Variants in PCNX2 observed in about 807,000 individuals in gnomAD.
PCNX2 encodes the protein pecanex-like protein 2.
In PCNX2, 168 loss-of-function variants were observed where a neutral mutation model predicts 223.8. The observed-to-expected ratio is 0.75, with a 90% CI of 0.66 to 0.85. The LOEUF is 0.85. Ranked by LOEUF, PCNX2 falls within the 40% of genes least tolerant of loss-of-function variation. The pLI, the probability that PCNX2 is intolerant of heterozygous loss-of-function variation, is 0.00. For missense variants in PCNX2, 2,507 were observed against 2,675.5 expected, an observed-to-expected ratio of 0.94 and a Z score of 1.39; for synonymous variants, 1,006 against 1,052.6, an observed-to-expected ratio of 0.96 and a Z score of 0.86.
chr1:233,287,901 C>T (rs900492419), intron 1 of PCNX2, among the ~76,000 whole-genome samples: 3 of 152,156 alleles, frequency 2.0e-5, no homozygotes, highest in African/African-American at 7.2e-5. Context: ...TGATTTCTTT[C>T]TTGCAAAGCT....
intron 12 of PCNX2, among the ~76,000 whole-genome samples, chr1:233,216,830 A>T (rs577111869): frequency 3.2e-4 from 48 of 152,294 alleles, no homozygotes; most frequent in Middle Eastern, 6.8e-3. Context: ...ACATGAATGG[A>T]TAAAGAAGAT....
intron 17 of PCNX2, among the ~76,000 whole-genome samples, chr1:233,169,644 C>CAAAAAAAAAA (rs200439765): frequency 5.8e-5 from 4 of 68,904 alleles, no homozygotes; most frequent in South Asian, 4.6e-4. Context: ...AACTCCGTCT[C>CAAAAAAAAAA]AAAAAAAAAA....
intron 10 of PCNX2, among the ~76,000 whole-genome samples, chr1:233,224,613 G>A (rs571067481): frequency 4.6e-5 from 7 of 151,998 alleles, no homozygotes; most frequent in Non-Finnish European, 1.0e-4. Flanking sequence ...CCCTGTTTGG[G>A]GATTATGCTC....
At chr1:233,326,945 T>C in the PCNX2 span, among the ~76,000 whole-genome samples, 1 of 152,138 alleles carries the variant, frequency 6.6e-6, no homozygotes, top group Non-Finnish European at 1.5e-5. Flanking sequence ...TTTACCATCA[T>C]GGAGCTTCTG....
At position 233,204,961 on chromosome 1, in the gene PCNX2, T is replaced by C. The variant is rs184001418; in HGVS notation, c.2863+3557A>G. ...ATTTAAAAATAAAATAAAATAAGAA[T>C]ATGCATAGCTAGTAGGATATTCTAG... On this transcript the variant is annotated intron_variant, in intron 13 of 33. Transcript: ENST00000258229. Among the ~76,000 whole-genome samples, 50 of 152,350 alleles carry C rather than the reference T, an allele frequency of 3.3e-4. No individual in the cohort carries two copies. The East Asian group carries it at 8.5e-3, about 26-fold the overall frequency.
At chr1:233,270,897 C>T (rs1660607079) in intron 1 of PCNX2, among the ~76,000 whole-genome samples, 1 of 152,162 alleles carries the variant, frequency 6.6e-6, no homozygotes, top group Admixed American at 6.5e-5. Flanking sequence ...TCAGCAGAGT[C>T]ATTAAAATGA....
chr1:233,118,799 C>T (rs1230234179), intron 21 of PCNX2, among the ~76,000 whole-genome samples: 1 of 152,146 alleles, frequency 6.6e-6, no homozygotes, highest in Non-Finnish European at 1.5e-5. Context: ...GATATAGAAG[C>T]TTACAATTCC....
At chr1:232,985,795 C>A in intron 33 of PCNX2, 1 of 593,546 alleles carries the variant, frequency 1.7e-6, no homozygotes, top group Admixed American at 3.0e-5. Context: ...CTCCGTCATG[C>A]CCCGGTGTAG....
chr1:233,150,216 G>A lies in PCNX2; in HGVS notation c.3517+10067C>T, dbSNP rs541112807. On this transcript the variant is annotated intron_variant, in intron 19 of 33. Coordinates refer to ENST00000258229, the MANE Select transcript of PCNX2 (RefSeq NM_014801.4). Reference sequence around the variant, plus strand: ...GGATTAATAACTTAATTAAGAAGACGCCTAGTAGAACAAAGTCTGAGGAGA... The same window carrying A: ...GGATTAATAACTTAATTAAGAAGACACCTAGTAGAACAAAGTCTGAGGAGA... Among the ~76,000 whole-genome samples, 9 of 152,230 alleles carry A rather than the reference G, an allele frequency of 5.9e-5. No homozygotes were observed. In the South Asian group the frequency reaches 1.9e-3, roughly 32 times the overall value.
At chr1:233,186,836 G>C (rs1284763193) in intron 15 of PCNX2, among the ~76,000 whole-genome samples, 1 of 152,104 alleles carries the variant, frequency 6.6e-6, no homozygotes, top group African/African-American at 2.4e-5. Flanking sequence ...ACAGAATAAC[G>C]GGTCCCACGT....
At chr1:233,128,401 C>T (rs1676226719) in intron 21 of PCNX2, among the ~76,000 whole-genome samples, 1 of 151,868 alleles carries the variant, frequency 6.6e-6, no homozygotes, top group African/African-American at 2.4e-5. Context: ...ATGGGATTAT[C>T]TTGGCTCATT....
At chr1:233,217,957 T>C (rs1657081198) in intron 11 of PCNX2, 26 bp from the exon 12 acceptor site, 1 of 1,613,750 alleles carries the variant, frequency 6.2e-7, no homozygotes, top group Non-Finnish European at 8.5e-7. Context: ...GAAGTGTCTG[T>C]GTCATCATCT....
intron 23 of PCNX2, among the ~76,000 whole-genome samples, chr1:233,063,433 T>C (rs1042113621): frequency 1.3e-5 from 2 of 152,110 alleles, no homozygotes; most frequent in Non-Finnish European, 2.9e-5. Context: ...CTAATAAAAG[T>C]TAACCATACT....
chr1:233,298,264 A>G (rs1352952959), upstream of PCNX2, among the ~76,000 whole-genome samples: 1 of 152,212 alleles, frequency 6.6e-6, no homozygotes, highest in African/African-American at 2.4e-5. Context: ...TAGCAAATAA[A>G]TGGGGAAAGA....
intron 23 of PCNX2, among the ~76,000 whole-genome samples, chr1:233,061,414 T>C (rs1246752917): frequency 1.3e-5 from 2 of 152,212 alleles, no homozygotes; most frequent in Non-Finnish European, 2.9e-5. Context: ...CAGAATGATT[T>C]GGCACGAGAC....
At chr1:233,179,415 CTG>C (rs1409826695) in intron 15 of PCNX2, among the ~76,000 whole-genome samples, 1 of 152,142 alleles carries the variant, frequency 6.6e-6, no homozygotes, top group Non-Finnish European at 1.5e-5. Flanking sequence ...AAGAATAAAA[CTG>C]AATCTTTCCT....
chr1:233,108,320 G>A (rs1278846797), intron 21 of PCNX2, among the ~76,000 whole-genome samples: 1 of 152,142 alleles, frequency 6.6e-6, no homozygotes, highest in Non-Finnish European at 1.5e-5. Context: ...CAAAATCTGA[G>A]GAGAGAAAGA....
At chr1:233,053,906 A>G (rs1179738895) in intron 25 of PCNX2, among the ~76,000 whole-genome samples, 1 of 152,186 alleles carries the variant, frequency 6.6e-6, no homozygotes, top group Non-Finnish European at 1.5e-5. Flanking sequence ...AACAGATCCC[A>G]ACACCTGTGA....
At position 232,990,087 on chromosome 1, in the gene PCNX2, T is replaced by G. The variant is rs1669640636; in HGVS notation, c.5792-3547A>C. 6.6e-6 allele frequency among the ~76,000 whole-genome samples: 1 copy of G among 152,220 alleles called. No homozygotes were observed. On this transcript the variant is annotated intron_variant, in intron 32 of 33. Coordinates refer to ENST00000258229, the MANE Select transcript of PCNX2 (RefSeq NM_014801.4). The surrounding 1 kb of genome is among the most constrained non-coding windows in gnomAD (Gnocchi z 4.3). ...GTGTCTCAACTCGGACGGGCATGGTTGTTTTACTTAACTAGAAGGAGGGTG... is the reference window on the plus strand; with the variant it reads ...GTGTCTCAACTCGGACGGGCATGGTGGTTTTACTTAACTAGAAGGAGGGTG...
Sources: gnomAD v4.1 joint callset for allele counts (sites outside exome capture counted in the v4.1 genomes callset) on GRCh38, gnomAD v4.1.1 for gene constraint, Gnocchi (gnomAD v3.1) non-coding constraint, MANE v1.5 for transcripts, NCBI Gene and HGNC (gene_info 2026-07-23, HGNC 2026-07-21) for gene names.